MYLK3: variants seen among roughly 807,000 people sequenced by gnomAD.
MYLK3 encodes myosin light chain kinase 3, also known as MLC kinase.
In MYLK3, 55 loss-of-function variants were observed where a neutral mutation model predicts 76.3. The ratio of observed to expected loss-of-function variants is 0.72; its 90% CI spans 0.58 to 0.90. The LOEUF is 0.90. Ranked by LOEUF, MYLK3 falls within the 40% of genes least tolerant of loss-of-function variation. The pLI, the probability that MYLK3 is intolerant of heterozygous loss-of-function variation, is 0.00. For synonymous variants in MYLK3, 416 were observed against 425.4 expected (o/e 0.98, Z 0.27); for missense variants, 973 against 1,053.6 (o/e 0.92, Z 1.06).
chr16:46,743,804 A>T (rs985203813), intron 1 of MYLK3, among the ~76,000 whole-genome samples: 1 of 152,236 alleles, frequency 6.6e-6, no homozygotes, highest in Non-Finnish European at 1.5e-5. Flanking sequence ...AGATATGAGC[A>T]GGCAGTTCAC....
intron 1 of MYLK3, among the ~76,000 whole-genome samples, chr16:46,741,638 A>G (rs531278630): frequency 4.9e-4 from 75 of 152,232 alleles, no homozygotes; most frequent in African/African-American, 1.7e-3. Flanking sequence ...CCAAGGCAAG[A>G]GAGGCCGCTG....
At chr16:46,712,526 G>T in intron 10 of MYLK3, 122 bp downstream of exon 10, 1 of 844,932 alleles carries the variant, frequency 1.2e-6, no homozygotes, top group Non-Finnish European at 1.7e-6. Flanking sequence ...TTCCTCTATT[G>T]GGGTTTCCTG....
Position 46,729,153 on chromosome 16 carries a change from A to G in MYLK3, c.1663-20T>C, listed in dbSNP as rs899761712. 6 of 1,594,664 alleles carry G rather than the reference A, an allele frequency of 3.8e-6. No individual in the cohort carries two copies. In the Admixed American group the frequency reaches 1.0e-4, roughly 27 times the overall value. ...GTCCTCCTTGGGGGAACCAGAGGAC[A>G]GAAGGATTTCCAAGCGAATGAGTCA... On this transcript the variant is annotated intron_variant, in intron 6 of 12. Coordinates refer to ENST00000394809, the MANE Select transcript of MYLK3 (RefSeq NM_182493.3).
At position 46,759,777 on chromosome 16, in the gene MYLK3, G is replaced by A. The variant is rs368286497; in HGVS notation, c.-114+3263C>T. On this transcript the variant is annotated intron_variant, in intron 1 of 11. Coordinates refer to the MYLK3 transcript ENST00000536476. Reference sequence around the variant, plus strand: ...CTAGTAGCTGGGATGACAGGCAGGCGGGCACCACCACACCTGGCTAATTTT... The same window carrying A: ...CTAGTAGCTGGGATGACAGGCAGGCAGGCACCACCACACCTGGCTAATTTT... Among the ~76,000 whole-genome samples, 13 of 152,144 alleles carry A rather than the reference G, an allele frequency of 8.5e-5. No homozygotes were observed. In the East Asian group the frequency reaches 1.7e-3, roughly 20 times the overall value.
chr16:46,756,738 G>A (rs1967205607), intron 1 of MYLK3, among the ~76,000 whole-genome samples: 1 of 152,228 alleles, frequency 6.6e-6, no homozygotes, highest in African/African-American at 2.4e-5. Context: ...CTTAGCCTCT[G>A]TGAACACAGG....
At chr16:46,763,234 T>C (rs540519448) in exon 1 of MYLK3, 603 of 985,430 alleles carry the variant, frequency 6.1e-4, no homozygotes, top group Non-Finnish European at 7.0e-4. Context: ...CTTCCTCTGC[T>C]GGTCGGCCCT....
intron 1 of MYLK3, among the ~76,000 whole-genome samples, chr16:46,760,583 GATGGGATGACT>G (rs1967264038): frequency 6.6e-6 from 1 of 152,186 alleles, no homozygotes; most frequent in Admixed American, 6.5e-5. Flanking sequence ...ACATGAGTGA[GATGGGATGACT>G]ATGTAACTCA....
intron 2 of MYLK3, among the ~76,000 whole-genome samples, chr16:46,738,527 C>T (rs1966884693): frequency 6.6e-6 from 1 of 152,176 alleles, no homozygotes; most frequent in South Asian, 2.1e-4. Context: ...GCCACTTGCA[C>T]TCCAGCCTGG....
intron 8 of MYLK3, 106 bp from the exon 9 acceptor site, chr16:46,721,299 G>T (rs946123191): frequency 9.0e-6 from 9 of 1,005,022 alleles, no homozygotes; most frequent in African/African-American, 1.6e-5. Context: ...GGACATGAAT[G>T]GCTCAGGGCA....
chr16:46,718,043 A>T lies in MYLK3; in HGVS notation c.1985+3080T>A, dbSNP rs1966761802. ...GGACAAACATTGGTTCTTGGGGGAC[A>T]AAACAACCTTAGCTATTGCAATGGT... On this transcript the variant is annotated intron_variant, in intron 9 of 12. Transcript: ENST00000394809. 2.6e-5 allele frequency among the ~76,000 whole-genome samples: 4 copies of T among 152,354 alleles called. No individual in the cohort carries two copies. In the South Asian group the frequency reaches 8.3e-4, roughly 32 times the overall value.
chr16:46,732,188 C>G lies in MYLK3; in HGVS notation c.1462+20G>C, dbSNP rs775901818. 3 of 1,551,616 alleles carry G rather than the reference C, an allele frequency of 1.9e-6. No individual in the cohort carries two copies. The African/African-American group carries it at 4.1e-5, about 21-fold the overall frequency. On this transcript the variant is annotated intron_variant, in intron 4 of 12. Coordinates refer to ENST00000394809, the MANE Select transcript of MYLK3 (RefSeq NM_182493.3). ...CCTCCCCTCAGGGCTCGTGTCTAGC[C>G]AGGCAACAGCCCCACTTACCCAGAA...
intron 10 of MYLK3, 104 bp downstream of exon 10, chr16:46,712,544 C>T: frequency 8.7e-7 from 1 of 1,148,058 alleles, no homozygotes; most frequent in Non-Finnish European, 1.2e-6. Context: ...CTGGGGTTAC[C>T]TCCCAAATAG....
chr16:46,747,561 T>A (rs1410305372), intron 1 of MYLK3, among the ~76,000 whole-genome samples, 156 bp downstream of exon 1: 1 of 152,216 alleles, frequency 6.6e-6, no homozygotes, highest in African/African-American at 2.4e-5. Context: ...GAAATCCACC[T>A]ATGACCTGTA....
At chr16:46,749,381 C>G (rs754699240), upstream of MYLK3, among the ~76,000 whole-genome samples, 95 of 152,384 alleles carry the variant, frequency 6.2e-4, 1 homozygote, top group Non-Finnish European at 5.9e-4. Flanking sequence ...AGGGCTGCCC[C>G]CAAGGGAGGG....
At chr16:46,742,715 C>CT (rs1567290616) in intron 1 of MYLK3, among the ~76,000 whole-genome samples, 1 of 152,184 alleles carries the variant, frequency 6.6e-6, no homozygotes, top group Admixed American at 6.5e-5. Context: ...AAGGACATAG[C>CT]ACATGGAGAA....
chr16:46,734,376 G>A (rs1050519527), intron 3 of MYLK3, among the ~76,000 whole-genome samples: 2 of 152,168 alleles, frequency 1.3e-5, no homozygotes, highest in Non-Finnish European at 2.9e-5. Context: ...CGCTTTGGGA[G>A]GCCAAGGAGA....
At chr16:46,758,294 ACACACACACACTCTCTCTCTCTCT>A (rs1316580013) in intron 1 of MYLK3, among the ~76,000 whole-genome samples, 8 of 58,322 alleles carry the variant, frequency 1.4e-4, no homozygotes, top group South Asian at 1.2e-3. Context: ...ACACACACAC[ACACACACACACTCTCTCTCTCTCT>A]CTCTCTCTCT....
intron 6 of MYLK3, 73 bp downstream of exon 6, chr16:46,729,521 G>T: frequency 3.0e-6 from 4 of 1,343,844 alleles, no homozygotes; most frequent in South Asian, 1.2e-5. Flanking sequence ...CAGCATGGGA[G>T]CCTGGGGGCC....
In MYLK3 at chr16:46,732,188, C is replaced by T. The variant is rs775901818; in HGVS notation, c.1462+20G>A. 3 of 1,551,618 alleles carry T rather than the reference C, an allele frequency of 1.9e-6. No individual in the cohort carries two copies. The highest frequency in any genetic ancestry group is 2.6e-6 in the Non-Finnish European group (3 of 1,153,068). On this transcript the variant is annotated intron_variant, in intron 4 of 12. Coordinates refer to ENST00000394809, the MANE Select transcript of MYLK3 (RefSeq NM_182493.3). The stretch of plus-strand genomic sequence containing the variant: ...CCTCCCCTCAGGGCTCGTGTCTAGC[C>T]AGGCAACAGCCCCACTTACCCAGAA...
Sources: gnomAD v4.1 joint callset for allele counts (sites outside exome capture counted in the v4.1 genomes callset) on GRCh38, gnomAD v4.1.1 for gene constraint, MANE v1.5 for transcripts, NCBI Gene and HGNC (gene_info 2026-07-23, HGNC 2026-07-21) for gene names.